CHODL: variants seen among roughly 807,000 people sequenced by gnomAD.
CHODL encodes the protein transmembrane protein MT75.
CHODL carries 29 observed loss-of-function variants against 34.5 expected under a neutral mutation model. The observed-to-expected ratio is 0.84, with a 90% CI of 0.63 to 1.15. The LOEUF is 1.15. Among genes scored for constraint, CHODL ranks in the 50% most tolerant of loss-of-function variants. The pLI is 0.00. For missense variants in CHODL, 332 were observed against 332.5 expected, an observed-to-expected ratio of 1.00 and a Z score of 0.01; for synonymous variants, 125 against 116.1, an observed-to-expected ratio of 1.08 and a Z score of -0.49.
chr21:18,245,493 G>C (rs1214527720), intron 1 of CHODL, among the ~76,000 whole-genome samples, 191 bp downstream of exon 1: 1 of 152,198 alleles, frequency 6.6e-6, no homozygotes, highest in Non-Finnish European at 1.5e-5. Flanking sequence ...ACGCAGAAAA[G>C]TTTAAATTTT....
chr21:18,241,036 G>C (rs2074077025), upstream of CHODL, among the ~76,000 whole-genome samples: 1 of 152,106 alleles, frequency 6.6e-6, no homozygotes, highest in Non-Finnish European at 1.5e-5. Context: ...GGTGGAACTG[G>C]CTCCTGAATG....
At chr21:18,197,898 T>A (rs9979829) in intron 2 of CHODL, among the ~76,000 whole-genome samples, 103,681 of 152,138 alleles carry the variant, frequency 0.68, 36,312 homozygotes, top group East Asian at 0.88. Flanking sequence ...CACATGAGCA[T>A]ATAATTTGCA....
chr21:18,046,821 T>C (rs2064449517), intron 2 of CHODL, among the ~76,000 whole-genome samples: 1 of 151,968 alleles, frequency 6.6e-6, no homozygotes, highest in Non-Finnish European at 1.5e-5. Context: ...GGGATATCAC[T>C]CCATCAATTT....
At chr21:17,952,805 A>G (rs1758617682) in intron 1 of CHODL, among the ~76,000 whole-genome samples, 1 of 152,204 alleles carries the variant, frequency 6.6e-6, no homozygotes, top group Non-Finnish European at 1.5e-5. Flanking sequence ...TTTATGAAGA[A>G]AAGAGGTTTA....
chr21:17,964,976 A>G (rs538215706), intron 1 of CHODL, among the ~76,000 whole-genome samples: 8 of 152,344 alleles, frequency 5.3e-5, no homozygotes, highest in East Asian at 3.9e-4. Flanking sequence ...GGAAACCATC[A>G]GTAAATAACA....
At chr21:17,979,248 A>G (rs556102600) in intron 1 of CHODL, among the ~76,000 whole-genome samples, 25 of 152,348 alleles carry the variant, frequency 1.6e-4, no homozygotes, top group African/African-American at 5.8e-4. Context: ...GGAAGAAGGA[A>G]AAACTTTTCT....
intron 2 of CHODL, among the ~76,000 whole-genome samples, chr21:18,225,506 A>G (rs921112786): frequency 6.6e-6 from 1 of 152,158 alleles, no homozygotes; most frequent in Non-Finnish European, 1.5e-5. Context: ...CACCTTTTAT[A>G]TTGTTAACAT....
intron 2 of CHODL, among the ~76,000 whole-genome samples, chr21:18,082,684 T>G (rs1306810083): frequency 6.6e-6 from 1 of 152,174 alleles, no homozygotes; most frequent in Non-Finnish European, 1.5e-5. Flanking sequence ...AAGAGACTGG[T>G]GGCATTTTGC....
At chr21:18,216,147 T>A (rs1463305163) in intron 2 of CHODL, among the ~76,000 whole-genome samples, 2 of 152,122 alleles carry the variant, frequency 1.3e-5, no homozygotes, top group Non-Finnish European at 2.9e-5. Context: ...TTTGTTGGAT[T>A]GATTGATACA....
At chr21:17,957,338 T>C (rs930661767) in intron 1 of CHODL, among the ~76,000 whole-genome samples, 1 of 152,188 alleles carries the variant, frequency 6.6e-6, no homozygotes, top group Admixed American at 6.5e-5. Context: ...ATAACTTTTT[T>C]ACTTAAAATC....
chr21:18,256,643 G>C lies in CHODL; in HGVS notation c.214G>C (p.Glu72Gln). Residue 72 changes from glutamate to glutamine, a missense_variant, in exon 2 of 6, where the codon GAG (glutamate) becomes CAG (glutamine). Glu to Gln is a conservative substitution (Grantham distance 29, BLOSUM62 2). Transcript: ENST00000299295. ...ESEGGVLLSL[E>Q]NEAEQKLIES... ...TGAGGGAGGAGTCCTCCTCAGCCTTGAGAATGAAGCAGAACAGAAGTTAAT... is the reference window on the plus strand; with the variant it reads ...TGAGGGAGGAGTCCTCCTCAGCCTTCAGAATGAAGCAGAACAGAAGTTAAT... 26 of 1,614,076 alleles carry C rather than the reference G, an allele frequency of 1.6e-5. No homozygotes were observed. Among genetic ancestry groups the C allele is most frequent in the Non-Finnish European group, 2.2e-5 (26 of 1,180,018 alleles).
chr21:18,091,088 C>A (rs544628918), intron 2 of CHODL, among the ~76,000 whole-genome samples: 1 of 152,182 alleles, frequency 6.6e-6, no homozygotes, highest in Non-Finnish European at 1.5e-5. Context: ...CTCAATGTTT[C>A]CCTGTCACAG....
At chr21:18,158,248 C>A (rs888189267) in intron 2 of CHODL, among the ~76,000 whole-genome samples, 1 of 151,978 alleles carries the variant, frequency 6.6e-6, no homozygotes, top group Non-Finnish European at 1.5e-5. Context: ...TTTTCTCTTT[C>A]AATCTTGAGT....
chr21:17,943,590 C>A (rs2063382923), intron 1 of CHODL, among the ~76,000 whole-genome samples: 1 of 152,148 alleles, frequency 6.6e-6, no homozygotes, highest in Non-Finnish European at 1.5e-5. Context: ...GTTCAACTAC[C>A]AACTATTTGT....
At chr21:17,994,980 C>T (rs2063834777) in intron 1 of CHODL, among the ~76,000 whole-genome samples, 1 of 152,100 alleles carries the variant, frequency 6.6e-6, no homozygotes. Flanking sequence ...TGTGGGGCAA[C>T]CTCGCTGGTG....
chr21:17,924,060 A>G (rs535743231), intron 1 of CHODL, among the ~76,000 whole-genome samples: 29 of 152,214 alleles, frequency 1.9e-4, no homozygotes, highest in African/African-American at 6.7e-4. Flanking sequence ...AGAGTGTCTG[A>G]TATTTGGCTC....
intron 2 of CHODL, among the ~76,000 whole-genome samples, chr21:18,161,930 A>G (rs2073100192): frequency 2.0e-5 from 3 of 152,220 alleles, no homozygotes; most frequent in Admixed American, 2.0e-4. Flanking sequence ...ACTGAAAAGT[A>G]TGTGAATCCT....
intron 2 of CHODL, among the ~76,000 whole-genome samples, chr21:18,154,173 A>T (rs2824662): frequency 3.3e-5 from 5 of 152,176 alleles, no homozygotes; most frequent in African/African-American, 1.2e-4. Context: ...TGTATGTAAA[A>T]AGGCTTATGT....
At chr21:18,181,795 G>C (rs1001499285) in intron 2 of CHODL, among the ~76,000 whole-genome samples, 1 of 152,184 alleles carries the variant, frequency 6.6e-6, no homozygotes, top group African/African-American at 2.4e-5. Context: ...TCATATAGTA[G>C]ATGGTCTCTT....
Sources: allele counts gnomAD v4.1 joint callset (sites outside exome capture counted in the v4.1 genomes callset), GRCh38; gene constraint gnomAD v4.1.1; transcripts MANE v1.5; gene names NCBI Gene and HGNC (gene_info 2026-07-23, HGNC 2026-07-21).